Variants in CPNE8 observed in about 807,000 individuals in gnomAD.
CPNE8 encodes copine-8.
Under a neutral mutation model 81.5 loss-of-function variants are expected in CPNE8, and 45 were observed. The ratio of observed to expected loss-of-function variants is 0.55; its 90% CI spans 0.44 to 0.71. The LOEUF is 0.71. Among genes scored for constraint, CPNE8 ranks in the 30% least tolerant of loss-of-function variants. CPNE8 has a pLI of 0.00. For missense variants in CPNE8, 594 were observed against 672.1 expected, an observed-to-expected ratio of 0.88 and a Z score of 1.28; for synonymous variants, 252 against 226.3, an observed-to-expected ratio of 1.11 and a Z score of -1.02.
chr12:38,666,902 A>G (rs1939067792), intron 19 of CPNE8, among the ~76,000 whole-genome samples: 1 of 152,176 alleles, frequency 6.6e-6, no homozygotes, highest in South Asian at 2.1e-4. Flanking sequence ...AAATGCAATA[A>G]TCAAAGTACC....
intron 10 of CPNE8, among the ~76,000 whole-genome samples, chr12:38,741,439 C>A (rs1941102234): frequency 6.6e-6 from 1 of 152,132 alleles, no homozygotes; most frequent in Admixed American, 6.6e-5. Flanking sequence ...GGAAAAGATT[C>A]CCTATTTAAT....
intron 8 of CPNE8, among the ~76,000 whole-genome samples, chr12:38,765,020 G>C (rs1941658555): frequency 6.6e-6 from 1 of 152,310 alleles, no homozygotes; most frequent in Admixed American, 6.5e-5. Context: ...AGTGTCACCA[G>C]CTGCAGTAAT....
chr12:38,677,314 T>C lies in CPNE8; in HGVS notation c.1374+138A>G, dbSNP rs528563657. On this transcript the variant is annotated intron_variant, in intron 17 of 19. Coordinates refer to ENST00000331366, the MANE Select transcript of CPNE8 (RefSeq NM_153634.3). ...GTGGTACAGATGTATATGAGTTGTC[T>C]GGATAAGGTTAAGGATGCAATCTGC... The C allele has an allele frequency of 1.0e-4, 58 of 577,266 alleles. No homozygotes were observed. In the Middle Eastern group the frequency reaches 1.4e-3, roughly 14 times the overall value. The allele number at this position is 577,266 out of a possible 1,614,324, so 35.8% of individuals were successfully genotyped here.
intron 13 of CPNE8, among the ~76,000 whole-genome samples, chr12:38,717,701 T>C (rs1175766498): frequency 1.3e-5 from 2 of 151,380 alleles, no homozygotes; most frequent in African/African-American, 2.4e-5. Context: ...ATACTACATA[T>C]TGGATACAGT....
intron 3 of CPNE8, among the ~76,000 whole-genome samples, chr12:38,864,993 A>G (rs1260853482): frequency 6.6e-6 from 1 of 152,210 alleles, no homozygotes; most frequent in Non-Finnish European, 1.5e-5. Flanking sequence ...CTGAAGATAT[A>G]ACTCCTAAAA....
chr12:38,658,657 G>A (rs748000225), intron 19 of CPNE8, among the ~76,000 whole-genome samples: 3 of 152,060 alleles, frequency 2.0e-5, no homozygotes, highest in African/African-American at 4.8e-5. Context: ...GAGAAAGGTC[G>A]GGTTACCCAC....
intron 3 of CPNE8, among the ~76,000 whole-genome samples, chr12:38,869,910 C>T (rs982448595): frequency 6.6e-6 from 1 of 152,178 alleles, no homozygotes; most frequent in Non-Finnish European, 1.5e-5. Flanking sequence ...TAATATTATG[C>T]CATTTCTCAT....
chr12:38,799,150 AG>A (rs1410754105), intron 6 of CPNE8, among the ~76,000 whole-genome samples: 3 of 152,180 alleles, frequency 2.0e-5, no homozygotes, highest in Non-Finnish European at 4.4e-5. Flanking sequence ...CGAGACAGAA[AG>A]TTAACAAGCA....
intron 6 of CPNE8, among the ~76,000 whole-genome samples, chr12:38,821,644 T>C (rs1169775291): frequency 6.6e-6 from 1 of 152,174 alleles, no homozygotes; most frequent in Non-Finnish European, 1.5e-5. Flanking sequence ...CCTATATCTC[T>C]CATGACTGGT....
At chr12:38,729,845 A>G (rs1219547599) in intron 11 of CPNE8, among the ~76,000 whole-genome samples, 1 of 151,998 alleles carries the variant, frequency 6.6e-6, no homozygotes, top group East Asian at 1.9e-4. Context: ...ATGGCTGCAT[A>G]TTACCTTGTC....
chr12:38,762,207 A>C lies in CPNE8; in HGVS notation c.585T>G (p.Ile195Met), dbSNP rs759832320. The change falls in exon 9 of 20, where the codon ATT becomes ATG. Residue 195 changes from isoleucine to methionine, a missense_variant. By Grantham distance (10) the Ile-to-Met change is conservative. Coordinates refer to ENST00000331366, the MANE Select transcript of CPNE8 (RefSeq NM_153634.3). ...TTTTGACAACTTCTGTCTTGTGACA[A>C]ATTGTAAAACTATAAAGAAAGAGTT... ...YRSNEDGSFT[I>M]CHKTEVVKNT... 1 of 1,577,480 alleles carries C rather than the reference A, an allele frequency of 6.3e-7. No homozygotes were observed. Among genetic ancestry groups the C allele is most frequent in the Admixed American group, 1.8e-5 (1 of 55,380 alleles).
At chr12:38,822,760 T>A (rs183457038) in intron 6 of CPNE8, among the ~76,000 whole-genome samples, 1 of 151,528 alleles carries the variant, frequency 6.6e-6, no homozygotes, top group South Asian at 2.1e-4. Flanking sequence ...ATGTGACCCA[T>A]AGACATAAAA....
chr12:38,709,669 G>T (rs140609299), intron 13 of CPNE8, among the ~76,000 whole-genome samples: 1 of 152,068 alleles, frequency 6.6e-6, no homozygotes, highest in Non-Finnish European at 1.5e-5. Context: ...ATACTTCTTT[G>T]AATACTGGAT....
intron 15 of CPNE8, among the ~76,000 whole-genome samples, chr12:38,686,039 A>G (rs1939528416): frequency 6.6e-6 from 1 of 152,204 alleles, no homozygotes; most frequent in Non-Finnish European, 1.5e-5. Flanking sequence ...TGATAACTTT[A>G]CTTTCATCCT....
intron 19 of CPNE8, among the ~76,000 whole-genome samples, chr12:38,665,300 C>G (rs765092799): frequency 6.6e-6 from 1 of 152,066 alleles, no homozygotes; most frequent in African/African-American, 2.4e-5. Context: ...TAATTTAGAC[C>G]CTTATAATAT....
chr12:38,863,883 C>T (rs973090561), intron 3 of CPNE8, among the ~76,000 whole-genome samples: 10 of 151,934 alleles, frequency 6.6e-5, no homozygotes, highest in Admixed American at 2.6e-4. Flanking sequence ...AACCCCGTCT[C>T]TACTAAAAAA....
chr12:38,802,802 C>A (rs546609983), intron 6 of CPNE8, among the ~76,000 whole-genome samples: 14 of 138,580 alleles, frequency 1.0e-4, no homozygotes, highest in African/African-American at 3.0e-4. Flanking sequence ...CAAATAGACA[C>A]AATAAAAAAT....
intron 4 of CPNE8, among the ~76,000 whole-genome samples, chr12:38,841,325 C>T (rs1480278669): frequency 6.6e-6 from 1 of 152,066 alleles, no homozygotes. Flanking sequence ...GAATTTCTTG[C>T]CTCACCTTCT....
At chr12:38,749,413 A>C (rs1565596838) in intron 10 of CPNE8, among the ~76,000 whole-genome samples, 1 of 151,786 alleles carries the variant, frequency 6.6e-6, no homozygotes, top group Non-Finnish European at 1.5e-5. Context: ...AAAGATACCC[A>C]AAAATGTGGA....
Sources: gnomAD v4.1 joint callset for allele counts (sites outside exome capture counted in the v4.1 genomes callset) on GRCh38, gnomAD v4.1.1 for gene constraint, MANE v1.5 for transcripts, NCBI Gene and HGNC (gene_info 2026-07-23, HGNC 2026-07-21) for gene names.